Variants in AKT2 observed in about 807,000 individuals in gnomAD.
AKT2 encodes AKT serine/threonine kinase 2, also known as RAC-beta serine/threonine-protein kinase.
Under a neutral mutation model 58.6 loss-of-function variants are expected in AKT2, and 16 were observed. That is an observed-to-expected ratio of 0.27 (90% CI 0.18 to 0.41). AKT2 has a LOEUF of 0.41. AKT2 is among the 10% of genes least tolerant of loss of function. AKT2 has a pLI of 1.00. For missense variants in AKT2, 438 were observed against 661.0 expected (o/e 0.66, Z 3.70); for synonymous variants, 253 against 254.0 (o/e 1.00, Z 0.04).
chr19:40,277,283 G>T (rs1301129663), intron 1 of AKT2, among the ~76,000 whole-genome samples: 1 of 152,122 alleles, frequency 6.6e-6, no homozygotes, highest in Non-Finnish European at 1.5e-5. Context: ...CTAACTTTTT[G>T]AAAATATCAT....
At chr19:40,268,722 C>G (rs1002681412) in intron 1 of AKT2, 1 of 152,412 alleles carries the variant, frequency 6.6e-6, no homozygotes, top group Non-Finnish European at 1.5e-5. Flanking sequence ...GGAAGATCCC[C>G]TGCGTCCCGC....
At chr19:40,249,742 G>T (rs527720551) in intron 4 of AKT2, among the ~76,000 whole-genome samples, 7 of 152,244 alleles carry the variant, frequency 4.6e-5, no homozygotes, top group Non-Finnish European at 1.0e-4. Context: ...CTAGCTCAGA[G>T]AATTTAATTA....
Position 40,233,595 on chromosome 19 carries a change from T to G in AKT2, c.*277A>C. 4.2e-6 allele frequency: 3 copies of G among 710,162 alleles called. No individual in the cohort carries two copies. The highest frequency in any genetic ancestry group is 5.2e-6 in the Non-Finnish European group (2 of 381,950). The allele number at this position is 710,162 out of a possible 1,614,324, so 44.0% of individuals were successfully genotyped here. A position where few individuals can be genotyped will look rare whatever the true frequency, so the allele number is the denominator to read the frequency against. On this transcript the variant is annotated 3_prime_UTR_variant, in exon 14 of 14. Coordinates refer to ENST00000392038, the MANE Select transcript of AKT2 (RefSeq NM_001626.6). The surrounding 1 kb of genome is among the most constrained non-coding windows in gnomAD (Gnocchi z 4.3). Reference sequence around the variant, plus strand: ...CACCCCTCACTGGGGCTTGTGTGGATTAAAACCTGAATCTCCAACCGCCCA... The same window carrying G: ...CACCCCTCACTGGGGCTTGTGTGGAGTAAAACCTGAATCTCCAACCGCCCA...
intron 4 of AKT2, among the ~76,000 whole-genome samples, chr19:40,253,505 G>A (rs1313391326): frequency 6.6e-6 from 1 of 152,018 alleles, no homozygotes; most frequent in Non-Finnish European, 1.5e-5. Context: ...GGCCCTTGAG[G>A]GTCAAACTCA....
rs948288897 is a variant in AKT2, at chr19:40,238,205, A to G, written c.709-114T>C. 7.4e-7 allele frequency: 1 copy of G among 1,357,376 alleles called. No individual in the cohort carries two copies. The highest frequency in any genetic ancestry group is 2.0e-5 in the Admixed American group (1 of 49,924). The allele number at this position is 1,357,376 out of a possible 1,614,324, so 84.1% of individuals were successfully genotyped here. A position where few individuals can be genotyped will look rare whatever the true frequency, so the allele number is the denominator to read the frequency against. On this transcript the variant is annotated intron_variant, in intron 8 of 13. Transcript: ENST00000392038. The surrounding 1 kb of genome is among the most constrained non-coding windows in gnomAD (Gnocchi z 5.1). ...TGTGGTGACACCTGTATCATGAACC[A>G]GCAAGTGACAGCTAGAGGGACCAAT...
At chr19:40,236,651 G>T (rs1275447540) in intron 9 of AKT2, 4 of 525,548 alleles carry the variant, frequency 7.6e-6, no homozygotes, top group Non-Finnish European at 1.4e-5. Context: ...CGTCCCCATT[G>T]TGAACTGTGG....
In AKT2 at chr19:40,233,967, G is replaced by A. The variant is rs1466125361; in HGVS notation, c.1367-16C>T. 5.6e-6 allele frequency: 9 copies of A among 1,608,564 alleles called. No individual in the cohort carries two copies. Among genetic ancestry groups the A allele is most frequent in the Non-Finnish European group, 7.6e-6 (9 of 1,179,666 alleles). On this transcript the variant is annotated splice_polypyrimidine_tract_variant and intron_variant, in intron 13 of 13. Coordinates refer to ENST00000392038, the MANE Select transcript of AKT2 (RefSeq NM_001626.6). The surrounding 1 kb of genome is among the most constrained non-coding windows in gnomAD (Gnocchi z 4.3). ...AGGCTGTCATCTGTGGGCGGCAGAG[G>A]TGGATGGGGAGGACCAGTCAGGAGA...
intron 6 of AKT2, chr19:40,241,368 G>A (rs1974395365): frequency 5.7e-6 from 1 of 176,578 alleles, no homozygotes; most frequent in African/African-American, 2.4e-5. Context: ...GTATGGATGA[G>A]TGAAGTGACG....
chr19:40,242,319 G>A lies in AKT2; in HGVS notation c.441+215C>T, dbSNP rs146959963. ...CCAGGTCTTCACCAACTCCCAGGAC[G>A]AACCTGCAGTGGGTCCACCCAAGGT... On this transcript the variant is annotated intron_variant, in intron 5 of 13. Coordinates refer to ENST00000392038, the MANE Select transcript of AKT2 (RefSeq NM_001626.6). The surrounding 1 kb of genome is among the most constrained non-coding windows in gnomAD (Gnocchi z 4.3). 796 of 879,350 alleles carry A rather than the reference G, an allele frequency of 9.1e-4. 5 individuals carry two copies. In the Middle Eastern group the frequency reaches 0.011, roughly 13 times the overall value. 54.5% of individuals were successfully genotyped at this position (879,350 alleles called of 1,614,324 possible). A position where few individuals can be genotyped will look rare whatever the true frequency, so the allele number is the denominator to read the frequency against.
intron 7 of AKT2, chr19:40,239,216 C>G (rs1009790766): frequency 2.4e-5 from 12 of 496,754 alleles, no homozygotes; most frequent in African/African-American, 2.3e-4. Context: ...CTCCATCAGG[C>G]ACAGCCAAGG....
At chr19:40,283,324 T>G (rs150784040) in intron 1 of AKT2, among the ~76,000 whole-genome samples, 2,484 of 152,358 alleles carry the variant, frequency 0.016, 152 homozygotes, top group Admixed American at 0.12. Flanking sequence ...TCATGATTAC[T>G]GTTTTCACTG....
Position 40,231,902 on chromosome 19 carries a change from A to G in AKT2, c.*1970T>C, listed in dbSNP as rs1973720203. 2 of 233,316 alleles carry G rather than the reference A, an allele frequency of 8.6e-6. No homozygotes were observed. Among genetic ancestry groups the G allele is most frequent in the Admixed American group, 5.6e-5 (1 of 17,790 alleles). The allele number at this position is 233,316 out of a possible 1,614,324, so 14.5% of individuals were successfully genotyped here. A position where few individuals can be genotyped will look rare whatever the true frequency, so the allele number is the denominator to read the frequency against. Reference sequence around the variant, plus strand: ...CCTCAAGGCTTCCAGGTGGCAGCATAAACAGGGAGGTGGGGCAGGATAGGA... The same window carrying G: ...CCTCAAGGCTTCCAGGTGGCAGCATGAACAGGGAGGTGGGGCAGGATAGGA... On this transcript the variant is annotated 3_prime_UTR_variant, in exon 14 of 14. Transcript: ENST00000392038.
chr19:40,256,877 A>T, intron 3 of AKT2, 49 bp downstream of exon 3: 1 of 1,612,910 alleles, frequency 6.2e-7, no homozygotes, highest in Non-Finnish European at 8.5e-7. Context: ...AAGACGTGCC[A>T]GCCATCCTGT....
rs778976738 is a variant in AKT2, at chr19:40,235,047, C to A, written c.1364G>T (p.Arg455Leu). The A allele has an allele frequency of 7.4e-6, 12 of 1,613,864 alleles. No homozygotes were observed. The highest frequency in any genetic ancestry group is 2.7e-5 in the African/African-American group (2 of 74,926). The change falls in exon 13 of 14, where the codon CGC becomes CTC. Residue 455 changes from arginine (R) to leucine (L), a missense_variant and splice_region_variant. Transcript: ENST00000392038. The surrounding 1 kb of genome is among the most constrained non-coding windows in gnomAD (Gnocchi z 6.3). ...AQSITITPPDRYDSLGLLELD... is the reference protein window; with the variant it reads ...AQSITITPPDLYDSLGLLELD... ...GCGCGGGGGCCCCAGGCACTCACAG[C>A]GGTCAGGGGGTGTGATTGTGATGGA...
intron 2 of AKT2, among the ~76,000 whole-genome samples, chr19:40,264,713 G>GC (rs1555776186): frequency 1.7e-4 from 26 of 151,396 alleles, no homozygotes; most frequent in Admixed American, 4.6e-4. Context: ...GCCTCTTGAT[G>GC]CCCCCCCGCC....
rs367840709 is a variant in AKT2, at chr19:40,233,413, T to C, written c.*459A>G. 4.2e-6 allele frequency: 2 copies of C among 472,960 alleles called. No homozygotes were observed. The highest frequency in any genetic ancestry group is 1.9e-5 in the South Asian group (1 of 52,624). The allele number at this position is 472,960 out of a possible 1,614,324, so 29.3% of individuals were successfully genotyped here. On this transcript the variant is annotated 3_prime_UTR_variant, in exon 14 of 14. Transcript: ENST00000392038. The surrounding 1 kb of genome is among the most constrained non-coding windows in gnomAD (Gnocchi z 4.3). ...ATTGGACCGCCCCGTGCCTGGCCAC[T>C]CCGAGCCTAGGCCACGGGGCCTGGA...
At position 40,237,813 on chromosome 19, in the gene AKT2, C is replaced by A. The variant is rs545844082; in HGVS notation, c.831+156G>T. The A allele has an allele frequency of 1.8e-5, 20 of 1,111,032 alleles. No homozygotes were observed. The African/African-American group carries it at 2.8e-4, about 16-fold the overall frequency. 68.8% of individuals were successfully genotyped at this position (1,111,032 alleles called of 1,614,324 possible). On this transcript the variant is annotated intron_variant, in intron 9 of 13. Coordinates refer to ENST00000392038, the MANE Select transcript of AKT2 (RefSeq NM_001626.6). The surrounding 1 kb of genome is among the most constrained non-coding windows in gnomAD (Gnocchi z 4.5). ...GAATGAGGGCAGCCACCACCCTGGA[C>A]CTTGGTGGGGAGCCTGGCGAATGAG...
chr19:40,250,480 G>A (rs901531441), intron 4 of AKT2, among the ~76,000 whole-genome samples: 3 of 150,902 alleles, frequency 2.0e-5, no homozygotes, highest in African/African-American at 7.3e-5. Flanking sequence ...TCCAGCCTGG[G>A]CAACAAGAGT....
Position 40,232,636 on chromosome 19 carries a change from TC to T in AKT2, c.*1235del. The T allele has an allele frequency of 4.3e-6, 1 of 232,996 alleles. No homozygotes were observed. The highest frequency in any genetic ancestry group is 8.5e-6 in the Non-Finnish European group (1 of 118,128). The allele number at this position is 232,996 out of a possible 1,614,324, so 14.4% of individuals were successfully genotyped here. A position where few individuals can be genotyped will look rare whatever the true frequency, so the allele number is the denominator to read the frequency against. On this transcript the variant is annotated 3_prime_UTR_variant, in exon 14 of 14. Transcript: ENST00000392038. Reference sequence around the variant, plus strand: ...GCTCCTCCCACTAGGTCAGCACCCCTCCCCCACAGGATGAAATGCTCGGGCC... The same window carrying T: ...GCTCCTCCCACTAGGTCAGCACCCCTCCCCACAGGATGAAATGCTCGGGCC...
Sources: allele counts gnomAD v4.1 joint callset (sites outside exome capture counted in the v4.1 genomes callset), GRCh38; gene constraint gnomAD v4.1.1; non-coding constraint Gnocchi (gnomAD v3.1); transcripts MANE v1.5; gene names NCBI Gene and HGNC (gene_info 2026-07-23, HGNC 2026-07-21).